Variants in FAM174A observed in about 807,000 individuals in gnomAD.
FAM174A encodes family with sequence similarity 174 member A.
FAM174A carries 14 observed loss-of-function variants against 14.3 expected under a neutral mutation model. The ratio of observed to expected loss-of-function variants is 0.98; its 90% CI spans 0.65 to 1.53. FAM174A has a LOEUF of 1.53. Ranked by LOEUF, FAM174A falls within the 40% of genes most tolerant of loss-of-function variation. The probability of loss-of-function intolerance (pLI) is 0.00; values close to 1 mark genes in which losing one functional copy is unlikely to be tolerated. For missense variants in FAM174A, 241 were observed against 249.6 expected, an observed-to-expected ratio of 0.97 and a Z score of 0.23; for synonymous variants, 108 against 111.4, an observed-to-expected ratio of 0.97 and a Z score of 0.19.
chr5:100,546,032 A>G (rs949425251), intron 1 of FAM174A, among the ~76,000 whole-genome samples: 1 of 152,220 alleles, frequency 6.6e-6, no homozygotes, highest in Admixed American at 6.5e-5. Context: ...ATGAGAAGCT[A>G]CGTATTTTAA....
intron 1 of FAM174A, among the ~76,000 whole-genome samples, chr5:100,539,181 G>C (rs1429804131): frequency 6.6e-6 from 1 of 151,994 alleles, no homozygotes; most frequent in Non-Finnish European, 1.5e-5. Context: ...AATTTATTAT[G>C]ATAGCCTTTA....
chr5:100,567,333 A>G (rs1271805209), intron 2 of FAM174A, among the ~76,000 whole-genome samples: 4 of 151,844 alleles, frequency 2.6e-5, no homozygotes, highest in African/African-American at 9.7e-5. Flanking sequence ...GCACTGGTCT[A>G]TGTGTTTGAG....
At chr5:100,566,141 G>GATAGATAGATAT (rs558236562) in intron 2 of FAM174A, among the ~76,000 whole-genome samples, 7 of 81,802 alleles carry the variant, frequency 8.6e-5, no homozygotes, top group Admixed American at 3.3e-4. Flanking sequence ...TGAAAAGTAT[G>GATAGATAGATAT]ATATATATAT....
intron 2 of FAM174A, among the ~76,000 whole-genome samples, chr5:100,568,561 A>C (rs1021884933): frequency 6.7e-6 from 1 of 148,950 alleles, no homozygotes; most frequent in Non-Finnish European, 1.5e-5. Flanking sequence ...ATTCCAGTTT[A>C]TCTCTCCTGG....
At chr5:100,570,383 A>C (rs1335960138) in intron 2 of FAM174A, among the ~76,000 whole-genome samples, 1 of 151,978 alleles carries the variant, frequency 6.6e-6, no homozygotes, top group Non-Finnish European at 1.5e-5. Flanking sequence ...TTAAACATGC[A>C]TTACACTATC....
Position 100,586,120 on chromosome 5 carries a change from T to C in FAM174A, c.570-61T>C, listed in dbSNP as rs113665744. On this transcript the variant is annotated intron_variant, in intron 2 of 2. Coordinates refer to ENST00000312637, the MANE Select transcript of FAM174A (RefSeq NM_198507.3). The stretch of plus-strand genomic sequence containing the variant: ...CCCTCCAAATCTTTCTGAATAGTTT[T>C]AAATGTTTTTAAAATTGTTCTAGAA... 9.1e-4 allele frequency: 837 copies of C among 919,392 alleles called. 2 individuals carry two copies. In the African/African-American group the frequency reaches 0.011, roughly 13 times the overall value. 57.0% of individuals were successfully genotyped at this position (919,392 alleles called of 1,614,324 possible).
intron 1 of FAM174A, among the ~76,000 whole-genome samples, chr5:100,536,811 G>C (rs1398980333): frequency 6.6e-6 from 1 of 152,106 alleles, no homozygotes; most frequent in Non-Finnish European, 1.5e-5. Flanking sequence ...ATTATTTAAA[G>C]CAAAAGTTTC....
At chr5:100,539,652 G>A (rs2112362531) in intron 1 of FAM174A, among the ~76,000 whole-genome samples, 1 of 152,260 alleles carries the variant, frequency 6.6e-6, no homozygotes, top group East Asian at 1.9e-4. Flanking sequence ...GGCTGAGCAA[G>A]TTTAAATAAC....
chr5:100,546,746 A>G (rs1447097078), intron 1 of FAM174A, among the ~76,000 whole-genome samples: 2 of 152,172 alleles, frequency 1.3e-5, no homozygotes, highest in East Asian at 1.9e-4. Context: ...ACCCATTGCA[A>G]AACTATCCCA....
chr5:100,560,864 C>G (rs6869843), intron 1 of FAM174A, among the ~76,000 whole-genome samples: 36,105 of 151,918 alleles, frequency 0.24, 4,635 homozygotes, highest in Admixed American at 0.34. Flanking sequence ...ATTTTGCTGT[C>G]TGTGGAGTTG....
At chr5:100,549,613 T>C (rs1157897203) in intron 1 of FAM174A, among the ~76,000 whole-genome samples, 1 of 152,024 alleles carries the variant, frequency 6.6e-6, no homozygotes, top group Non-Finnish European at 1.5e-5. Flanking sequence ...TTTGATTTTT[T>C]TTTTTTTTTT....
At chr5:100,560,193 T>A (rs1339203262) in intron 1 of FAM174A, among the ~76,000 whole-genome samples, 1 of 152,192 alleles carries the variant, frequency 6.6e-6, no homozygotes, top group South Asian at 2.1e-4. Flanking sequence ...GCAGGTCTAT[T>A]GGAGTTTGCT....
rs1746996698 is a variant in FAM174A, at chr5:100,580,829, G to GC, written c.570-5350dup. 2.6e-5 allele frequency among the ~76,000 whole-genome samples: 4 copies of GC among 152,154 alleles called. No individual in the cohort carries two copies. The South Asian group carries it at 8.3e-4, about 32-fold the overall frequency. On this transcript the variant is annotated intron_variant, in intron 2 of 2. Coordinates refer to ENST00000312637, the MANE Select transcript of FAM174A (RefSeq NM_198507.3). ...GTTTTGGAGCACAGCCTCTATCCCT[G>GC]CCATTCTTGCCAAAAGAGCGTCCTG...
At chr5:100,575,777 T>C (rs1388083946) in intron 2 of FAM174A, among the ~76,000 whole-genome samples, 2 of 152,144 alleles carry the variant, frequency 1.3e-5, no homozygotes, top group Non-Finnish European at 2.9e-5. Flanking sequence ...ATTTTTGCAA[T>C]CTACTCATCT....
chr5:100,562,255 T>A lies in FAM174A; in HGVS notation c.569+67T>A, dbSNP rs564481869. 84 of 1,398,404 alleles carry A rather than the reference T, an allele frequency of 6.0e-5. No individual in the cohort carries two copies. In the African/African-American group the frequency reaches 6.4e-4, roughly 11 times the overall value. The allele number at this position is 1,398,404 out of a possible 1,614,324, so 86.6% of individuals were successfully genotyped here. A position where few individuals can be genotyped will look rare whatever the true frequency, so the allele number is the denominator to read the frequency against. On this transcript the variant is annotated intron_variant, in intron 2 of 2. Transcript: ENST00000312637. ...GTCCTTGCCAAGTAAACTGAAGAAG[T>A]AAAGTAGACTTTCATTTAACAGCTT...
chr5:100,565,870 C>T (rs1746632561), intron 2 of FAM174A, among the ~76,000 whole-genome samples: 2 of 151,460 alleles, frequency 1.3e-5, no homozygotes. Context: ...ACAATCATGG[C>T]AGTAGGCAAA....
intron 2 of FAM174A, among the ~76,000 whole-genome samples, chr5:100,563,764 A>G (rs1276800685): frequency 6.6e-6 from 1 of 151,950 alleles, no homozygotes. Context: ...TAACAACTTT[A>G]AGAAGATTGA....
In FAM174A at chr5:100,586,295, A is replaced by G; in HGVS notation, c.*111A>G. 3.0e-6 allele frequency: 2 copies of G among 669,264 alleles called. No homozygotes were observed. Among genetic ancestry groups the G allele is most frequent in the South Asian group, 2.3e-5 (1 of 43,940 alleles). The allele number at this position is 669,264 out of a possible 1,614,324, so 41.5% of individuals were successfully genotyped here. ...AATGTTGGGGGGGTATTTAAGTTAC[A>G]TATATTTTAACAACCTTTAATTTGC... On this transcript the variant is annotated 3_prime_UTR_variant, in exon 3 of 3. Transcript: ENST00000312637.
At chr5:100,576,518 T>G (rs1746909632) in intron 2 of FAM174A, among the ~76,000 whole-genome samples, 1 of 152,226 alleles carries the variant, frequency 6.6e-6, no homozygotes, top group African/African-American at 2.4e-5. Flanking sequence ...CAGTTGTTTC[T>G]TATTTTTATT....
Sources: gnomAD v4.1 joint callset for allele counts (sites outside exome capture counted in the v4.1 genomes callset) on GRCh38, gnomAD v4.1.1 for gene constraint, MANE v1.5 for transcripts, NCBI Gene and HGNC (gene_info 2026-07-23, HGNC 2026-07-21) for gene names.